The following DCC variants were observed in gnomAD, a reference collection of about 807,000 sequenced individuals.
DCC encodes netrin receptor DCC.
DCC carries 58 observed loss-of-function variants against 172.5 expected under a neutral mutation model. That is an observed-to-expected ratio of 0.34 (90% CI 0.27 to 0.42). The LOEUF (loss-of-function observed/expected upper bound fraction) is 0.42, where lower values mean the gene tolerates loss of function less well. Among genes scored for constraint, DCC ranks in the 10% least tolerant of loss-of-function variants. The pLI is 1.00. For missense variants in DCC, 1,740 were observed against 1,791.0 expected (o/e 0.97, Z 0.51); for synonymous variants, 709 against 644.5 (o/e 1.10, Z -1.52).
intron 24 of DCC, among the ~76,000 whole-genome samples, chr18:53,464,979 C>CAAAAAAAAAAAAAAAAAA (rs71179510): frequency 9.1e-5 from 5 of 54,838 alleles, no homozygotes; most frequent in African/African-American, 1.2e-4. Context: ...AACTCAATCT[C>CAAAAAAAAAAAAAAAAAA]AAAAAAAAAA....
At chr18:53,481,726 A>C (rs2045834006) in intron 25 of DCC, among the ~76,000 whole-genome samples, 1 of 152,190 alleles carries the variant, frequency 6.6e-6, no homozygotes, top group Non-Finnish European at 1.5e-5. Flanking sequence ...ATTATTTCTT[A>C]AACATTGTAG....
intron 1 of DCC, among the ~76,000 whole-genome samples, chr18:52,652,886 C>A (rs2035169982): frequency 6.6e-6 from 1 of 151,962 alleles, no homozygotes; most frequent in Non-Finnish European, 1.5e-5. Flanking sequence ...ACACAAGTAT[C>A]CAGAGCTTTC....
At chr18:53,193,296 A>C (rs1042660447) in intron 9 of DCC, among the ~76,000 whole-genome samples, 4 of 151,306 alleles carry the variant, frequency 2.6e-5, no homozygotes, top group Non-Finnish European at 4.4e-5. Flanking sequence ...TCCTCCCTGC[A>C]CCTTAGGGTC....
chr18:53,145,296 G>C (rs2043894805), intron 7 of DCC, among the ~76,000 whole-genome samples: 1 of 151,946 alleles, frequency 6.6e-6, no homozygotes, highest in Admixed American at 6.6e-5. Context: ...TGTATTTTTG[G>C]AAGAGACGGG....
chr18:52,983,766 G>T (rs1018256894), intron 5 of DCC, among the ~76,000 whole-genome samples: 2 of 152,154 alleles, frequency 1.3e-5, no homozygotes, highest in Non-Finnish European at 2.9e-5. Context: ...GAATTATAGA[G>T]ATGGGCTGCA....
At position 52,925,182 on chromosome 18, in the gene DCC, G is replaced by A. The variant is rs573537927; in HGVS notation, c.849-52G>A. 2.6e-6 allele frequency: 4 copies of A among 1,555,776 alleles called. No homozygotes were observed. The South Asian group carries it at 4.5e-5, about 17-fold the overall frequency. On this transcript the variant is annotated intron_variant, in intron 4 of 28. Coordinates refer to ENST00000442544, the MANE Select transcript of DCC (RefSeq NM_005215.4). Reference sequence around the variant, plus strand: ...GGTCATTTAAAGCTCTGAGTATCTTGCTTAATATATACATATGTTAATTTA... The same window carrying A: ...GGTCATTTAAAGCTCTGAGTATCTTACTTAATATATACATATGTTAATTTA...
At chr18:53,363,930 A>G (rs982996893) in intron 15 of DCC, among the ~76,000 whole-genome samples, 2 of 152,180 alleles carry the variant, frequency 1.3e-5, no homozygotes, top group African/African-American at 4.8e-5. Flanking sequence ...CAGAGGTGCA[A>G]AAATCATAAT....
chr18:53,384,691 T>C (rs79341942), intron 15 of DCC, among the ~76,000 whole-genome samples: 3,836 of 152,236 alleles, frequency 0.025, 57 homozygotes, highest in Middle Eastern at 0.051. Flanking sequence ...CTTAATGTAG[T>C]TTAGTTCATT....
chr18:52,778,831 A>T (rs145914997), intron 2 of DCC, among the ~76,000 whole-genome samples: 2 of 152,328 alleles, frequency 1.3e-5, no homozygotes, highest in African/African-American at 4.8e-5. Flanking sequence ...CATCAAATAC[A>T]CATGGGCATT....
rs182447015 is a variant in DCC, at chr18:53,328,091, G to A, written c.2164+5934G>A. Among the ~76,000 whole-genome samples, 24 of 152,270 alleles carry A rather than the reference G, an allele frequency of 1.6e-4. No individual in the cohort carries two copies. In the East Asian group the frequency reaches 4.4e-3, roughly 28 times the overall value. On this transcript the variant is annotated intron_variant, in intron 14 of 28. Coordinates refer to ENST00000442544, the MANE Select transcript of DCC (RefSeq NM_005215.4). ...GCAATATGGTATCTGTTTCAGTTCC[G>A]GTGCAAGTGGTTGTTCAGAATCTCA...
At chr18:52,587,385 G>A (rs901626770) in intron 1 of DCC, among the ~76,000 whole-genome samples, 1 of 152,220 alleles carries the variant, frequency 6.6e-6, no homozygotes, top group African/African-American at 2.4e-5. Context: ...TCCACAGAAC[G>A]GGTCATCCTA....
rs926070487 is a variant in DCC, at chr18:53,309,599, A to G, written c.2053+3880A>G. ...TTACTTACTCAAAAATAAATAATTC[A>G]GTTCTACATTTTCATTCATCTAAAA... On this transcript the variant is annotated intron_variant, in intron 13 of 28. Transcript: ENST00000442544. 4.6e-5 allele frequency among the ~76,000 whole-genome samples: 7 copies of G among 152,312 alleles called. No homozygotes were observed. The East Asian group carries it at 1.4e-3, about 29-fold the overall frequency.
intron 2 of DCC, among the ~76,000 whole-genome samples, chr18:52,761,518 TTAACA>T (rs1254162977): frequency 6.6e-6 from 1 of 152,166 alleles, no homozygotes; most frequent in African/African-American, 2.4e-5. Context: ...AATCATGAAG[TTAACA>T]TAAAACAATA....
At chr18:53,314,711 C>A (rs895804380) in intron 13 of DCC, among the ~76,000 whole-genome samples, 1 of 152,080 alleles carries the variant, frequency 6.6e-6, no homozygotes, top group Admixed American at 6.6e-5. Context: ...TTCCACAGCC[C>A]AGCAAAGTTG....
At chr18:53,043,872 C>A (rs550446175) in intron 5 of DCC, among the ~76,000 whole-genome samples, 6 of 151,994 alleles carry the variant, frequency 3.9e-5, no homozygotes, top group African/African-American at 1.4e-4. Flanking sequence ...ACCACACTCA[C>A]TATTCTGTGA....
At chr18:52,803,799 C>T (rs1181070836) in intron 2 of DCC, among the ~76,000 whole-genome samples, 1 of 152,194 alleles carries the variant, frequency 6.6e-6, no homozygotes, top group Non-Finnish European at 1.5e-5. Flanking sequence ...CACTCATGGA[C>T]CTCTCCAGGA....
Position 53,067,459 on chromosome 18 carries a change from C to T in DCC, c.1261+1293C>T, listed in dbSNP as rs570829056. Among the ~76,000 whole-genome samples, 341 of 152,228 alleles carry T rather than the reference C, an allele frequency of 2.2e-3. 1 individual carries two copies. Among genetic ancestry groups the T allele is most frequent in the African/African-American group, 7.7e-3 (321 of 41,572 alleles). The stretch of plus-strand genomic sequence containing the variant: ...ATCGTTTGAGCCCAGGGTGTTGAGG[C>T]TGCAGTGAGCTATGATCACACTACT... On this transcript the variant is annotated intron_variant, in intron 7 of 28. Transcript: ENST00000442544.
chr18:52,559,040 A>G (rs568673244), intron 1 of DCC, among the ~76,000 whole-genome samples: 7 of 152,176 alleles, frequency 4.6e-5, no homozygotes, highest in African/African-American at 1.4e-4. Context: ...CCCCAAACAA[A>G]CTACTGCTTT....
intron 1 of DCC, among the ~76,000 whole-genome samples, chr18:52,393,021 T>G (rs1183136588): frequency 6.6e-6 from 1 of 152,124 alleles, no homozygotes; most frequent in Non-Finnish European, 1.5e-5. Context: ...GGGCCAGTAC[T>G]AGGCTAATCT....
Sources: gnomAD v4.1 joint callset for allele counts (sites outside exome capture counted in the v4.1 genomes callset) on GRCh38, gnomAD v4.1.1 for gene constraint, MANE v1.5 for transcripts, NCBI Gene and HGNC (gene_info 2026-07-23, HGNC 2026-07-21) for gene names.